PPHLN1: variants seen among roughly 807,000 people sequenced by gnomAD.
PPHLN1 encodes periphilin 1, also known as periphilin-1.
PPHLN1 carries 29 observed loss-of-function variants against 51.3 expected under a neutral mutation model. That is an observed-to-expected ratio of 0.57 (90% CI 0.42 to 0.77). The LOEUF (loss-of-function observed/expected upper bound fraction) is 0.77, where lower values mean the gene tolerates loss of function less well. Ranked by LOEUF, PPHLN1 falls within the 30% of genes least tolerant of loss-of-function variation. The probability of loss-of-function intolerance (pLI) is 0.00; values close to 1 mark genes in which losing one functional copy is unlikely to be tolerated. For missense variants in PPHLN1, 436 were observed against 438.4 expected, an observed-to-expected ratio of 0.99 and a Z score of 0.05; for synonymous variants, 147 against 147.8, an observed-to-expected ratio of 0.99 and a Z score of 0.04.
chr12:42,422,039 G>T (rs2081051909), intron 9 of PPHLN1, among the ~76,000 whole-genome samples: 1 of 152,202 alleles, frequency 6.6e-6, no homozygotes, highest in African/African-American at 2.4e-5. Flanking sequence ...AGTGTTATGA[G>T]TGTAGAAATA....
At chr12:42,409,715 T>C (rs1211317323) in intron 9 of PPHLN1, among the ~76,000 whole-genome samples, 4 of 152,112 alleles carry the variant, frequency 2.6e-5, no homozygotes, top group Non-Finnish European at 4.4e-5. Flanking sequence ...AACATTGTCC[T>C]GAACGTATCC....
chr12:42,382,230 G>A (rs1024236034), intron 5 of PPHLN1, among the ~76,000 whole-genome samples: 1 of 152,180 alleles, frequency 6.6e-6, no homozygotes. Context: ...AGTGTGTTGT[G>A]TAATGTTAAG....
intron 9 of PPHLN1, 135 bp downstream of exon 9, chr12:42,399,129 ATTGT>A (rs1214717116): frequency 2.1e-6 from 3 of 1,427,336 alleles, no homozygotes; most frequent in Non-Finnish European, 2.8e-6. Flanking sequence ...AATTATAAAA[ATTGT>A]TTGAGTTGAC....
Position 42,441,674 on chromosome 12 carries a change from A to C in PPHLN1, c.*165A>C. 7.8e-7 allele frequency: 1 copy of C among 1,274,288 alleles called. No homozygotes were observed. Among genetic ancestry groups the C allele is most frequent in the Non-Finnish European group, 1.0e-6 (1 of 997,098 alleles). The allele number at this position is 1,274,288 out of a possible 1,614,324, so 78.9% of individuals were successfully genotyped here. A position where few individuals can be genotyped will look rare whatever the true frequency, so the allele number is the denominator to read the frequency against. On this transcript the variant is annotated 3_prime_UTR_variant, in exon 10 of 10. Coordinates refer to ENST00000358314, the MANE Select transcript of PPHLN1 (RefSeq NM_201439.2). ...AAACATCTAAAATAGTCTGTTTAAA[A>C]TGTTTGATTCAAATTTTTGTATTTT...
intron 9 of PPHLN1, among the ~76,000 whole-genome samples, chr12:42,428,823 T>C (rs1020867040): frequency 3.4e-5 from 5 of 148,896 alleles, no homozygotes; most frequent in East Asian, 1.9e-4. Flanking sequence ...TTAACTTCTT[T>C]TTTTTTTTTT....
chr12:42,409,428 C>G (rs954911268), intron 9 of PPHLN1, among the ~76,000 whole-genome samples: 2 of 152,010 alleles, frequency 1.3e-5, no homozygotes, highest in African/African-American at 2.4e-5. Flanking sequence ...GATAATGAGA[C>G]CTGATTTTTG....
At chr12:42,419,027 A>T (rs2080736591) in intron 9 of PPHLN1, among the ~76,000 whole-genome samples, 2 of 152,204 alleles carry the variant, frequency 1.3e-5, no homozygotes, top group Non-Finnish European at 2.9e-5. Context: ...CAAATATATA[A>T]AATCATTATT....
chr12:42,399,219 C>T (rs2078568538), intron 9 of PPHLN1: 1 of 1,150,742 alleles, frequency 8.7e-7, no homozygotes, highest in South Asian at 3.3e-5. Flanking sequence ...TTCTTTTTTA[C>T]AGAATATTAA....
chr12:42,441,089 A>G (rs1317910041), intron 9 of PPHLN1, among the ~76,000 whole-genome samples: 1 of 152,212 alleles, frequency 6.6e-6, no homozygotes, highest in South Asian at 2.1e-4. Flanking sequence ...TCAGTAATGT[A>G]GTTTGTTAAT....
rs1167208425 is a variant in PPHLN1, at chr12:42,406,815, TAGA to T, written c.909+7824_909+7826del. Among the ~76,000 whole-genome samples the T allele has an allele frequency of 3.3e-5, 5 of 152,196 alleles. No homozygotes were observed. In the East Asian group the frequency reaches 9.6e-4, roughly 29 times the overall value. On this transcript the variant is annotated intron_variant, in intron 9 of 9. Coordinates refer to ENST00000358314, the MANE Select transcript of PPHLN1 (RefSeq NM_201439.2). ...TATTTGTCTTACTATTTAAAATTTC[TAGA>T]AGCTTTTTTTATTTTATATTTTACA...
downstream of PPHLN1, chr12:42,442,761 T>C (rs189603059): frequency 1.2e-5 from 19 of 1,612,150 alleles, no homozygotes; most frequent in Admixed American, 3.2e-4. Flanking sequence ...TGGTGCCCGC[T>C]CGGGATTTCC....
intron 8 of PPHLN1, among the ~76,000 whole-genome samples, chr12:42,394,689 A>G (rs1471662841): frequency 1.3e-5 from 2 of 152,112 alleles, no homozygotes; most frequent in Admixed American, 6.5e-5. Context: ...TTGTAGCTAT[A>G]ATAATAGATA....
intron 9 of PPHLN1, among the ~76,000 whole-genome samples, chr12:42,417,943 G>GTTTTTTTTTTTTTTTTTTTTTTTTT (rs371302578): frequency 1.2e-4 from 11 of 88,392 alleles, no homozygotes; most frequent in Non-Finnish European, 1.7e-4. Context: ...TTTTTTTTTT[G>GTTTTTTTTTTTTTTTTTTTTTTTTT]TTTTTTTTTT....
chr12:42,383,707 G>A (rs1315924409), intron 5 of PPHLN1, among the ~76,000 whole-genome samples: 1 of 152,084 alleles, frequency 6.6e-6, no homozygotes, highest in African/African-American at 2.4e-5. Flanking sequence ...TTGGCTGGTC[G>A]TGGTGGCTCA....
chr12:42,409,551 A>G (rs922249048), intron 9 of PPHLN1, among the ~76,000 whole-genome samples: 5 of 152,120 alleles, frequency 3.3e-5, no homozygotes, highest in African/African-American at 1.2e-4. Context: ...TAATCATACA[A>G]TCCCCTTGTT....
At chr12:42,398,790 C>T (rs558236318) in intron 8 of PPHLN1, 64 bp from the exon 9 acceptor site, 5 of 1,497,736 alleles carry the variant, frequency 3.3e-6, no homozygotes, top group East Asian at 2.3e-5. Context: ...TGCCTATACA[C>T]AACCATCTGA....
In PPHLN1 at chr12:42,375,929, C is replaced by T. The variant is rs897598200; in HGVS notation, c.511+855C>T. Among the ~76,000 whole-genome samples, 7 of 152,294 alleles carry T rather than the reference C, an allele frequency of 4.6e-5. No individual in the cohort carries two copies. The East Asian group carries it at 1.4e-3, about 29-fold the overall frequency. On this transcript the variant is annotated intron_variant, in intron 5 of 9. Coordinates refer to ENST00000358314, the MANE Select transcript of PPHLN1 (RefSeq NM_201439.2). The stretch of plus-strand genomic sequence containing the variant: ...GTGTTAATATTATACAATGATGTCC[C>T]TGTCACTAGGGAACTAGAATATATG...
chr12:42,339,593 C>G (rs2071180943), intron 2 of PPHLN1, among the ~76,000 whole-genome samples: 1 of 152,138 alleles, frequency 6.6e-6, no homozygotes, highest in Non-Finnish European at 1.5e-5. Context: ...CTCAGAATAA[C>G]ATTTTTAAAC....
intron 9 of PPHLN1, among the ~76,000 whole-genome samples, chr12:42,405,792 T>A (rs2079237612): frequency 6.6e-6 from 1 of 152,194 alleles, no homozygotes; most frequent in African/African-American, 2.4e-5. Flanking sequence ...CAGTGTAATT[T>A]AATTTTCCAG....
Sources: allele counts gnomAD v4.1 joint callset (sites outside exome capture counted in the v4.1 genomes callset), GRCh38; gene constraint gnomAD v4.1.1; transcripts MANE v1.5; gene names NCBI Gene and HGNC (gene_info 2026-07-23, HGNC 2026-07-21).